The following GPAM variants were observed in gnomAD, a reference collection of about 807,000 sequenced individuals.
The protein encoded by GPAM is glycerol-3-phosphate acyltransferase, mitochondrial, also known as glycerol-3-phosphate acyltransferase 1, mitochondrial.
A neutral mutation model predicts 105.0 loss-of-function variants in GPAM; 56 were observed. The observed-to-expected ratio is 0.53, with a 90% CI of 0.43 to 0.67. The LOEUF is 0.67. Ranked by LOEUF, GPAM falls within the 30% of genes least tolerant of loss-of-function variation. The pLI, the probability that GPAM is intolerant of heterozygous loss-of-function variation, is 0.00. For missense variants in GPAM, 855 were observed against 989.8 expected, an observed-to-expected ratio of 0.86 and a Z score of 1.83; for synonymous variants, 368 against 354.4, an observed-to-expected ratio of 1.04 and a Z score of -0.43.
chr10:112,159,072 GAGA>G (rs1426346360), intron 17 of GPAM, among the ~76,000 whole-genome samples: 2 of 152,130 alleles, frequency 1.3e-5, no homozygotes, highest in Non-Finnish European at 2.9e-5. Flanking sequence ...TGATGACTTT[GAGA>G]AGAAGGAAAT....
At chr10:112,217,854 A>G (rs1847985987), upstream of GPAM, among the ~76,000 whole-genome samples, 1 of 152,220 alleles carries the variant, frequency 6.6e-6, no homozygotes, top group Non-Finnish European at 1.5e-5. Flanking sequence ...CTCTTCACAC[A>G]CAAAACAGGT....
At chr10:112,221,572 G>A in the GPAM span, among the ~76,000 whole-genome samples, 1 of 152,158 alleles carries the variant, frequency 6.6e-6, no homozygotes, top group Non-Finnish European at 1.5e-5. Context: ...GAAGAACCTT[G>A]AGTATAAGAT....
chr10:112,219,737 A>G (rs1271686716), upstream of GPAM, among the ~76,000 whole-genome samples: 1 of 152,236 alleles, frequency 6.6e-6, no homozygotes, highest in Non-Finnish European at 1.5e-5. Flanking sequence ...CAAAAATTAT[A>G]TAACAGTGAG....
chr10:112,172,368 C>A, intron 8 of GPAM, 50 bp from the exon 9 acceptor site: 1 of 1,512,910 alleles, frequency 6.6e-7, no homozygotes, highest in South Asian at 1.1e-5. Context: ...AAAATTCAAT[C>A]ACACTTTGCA....
chr10:112,223,268 C>A, the GPAM span, among the ~76,000 whole-genome samples: 2 of 152,194 alleles, frequency 1.3e-5, no homozygotes, highest in African/African-American at 2.4e-5. Flanking sequence ...CATATCTACT[C>A]CTGTTTCAGT....
Position 112,153,338 on chromosome 10 carries a change from T to TC in GPAM, c.*211dup. 2 of 1,452,530 alleles carry TC rather than the reference T, an allele frequency of 1.4e-6. No homozygotes were observed. Among genetic ancestry groups the TC allele is most frequent in the Non-Finnish European group, 1.8e-6 (2 of 1,106,576 alleles). The allele number at this position is 1,452,530 out of a possible 1,614,324, so 90.0% of individuals were successfully genotyped here. On this transcript the variant is annotated 3_prime_UTR_variant, in exon 22 of 22. Transcript: ENST00000348367. The stretch of plus-strand genomic sequence containing the variant: ...TATGAGTTGCGAATAGAGGCTGAGG[T>TC]CCCCCCAAGTGTTATCTGCAGGCTG...
chr10:112,220,853 T>TAAACACACACACAC, the GPAM span, among the ~76,000 whole-genome samples: 1 of 145,920 alleles, frequency 6.9e-6, no homozygotes, highest in African/African-American at 2.5e-5. Context: ...AGATCTCAAA[T>TAAACACACACACAC]ACACACACAC....
At chr10:112,160,239 C>T (rs1158377455) in intron 16 of GPAM, 186 bp from the exon 17 acceptor site, 6 of 411,200 alleles carry the variant, frequency 1.5e-5, no homozygotes, top group Non-Finnish European at 2.0e-5. Context: ...CATCAAAAAC[C>T]TTCTCCAAAG....
At chr10:112,154,481 GC>G in intron 21 of GPAM, 147 bp downstream of exon 21, 1 of 682,296 alleles carries the variant, frequency 1.5e-6, no homozygotes. Flanking sequence ...CATCCTACAT[GC>G]CCCGTTCCCA....
upstream of GPAM, among the ~76,000 whole-genome samples, chr10:112,216,942 G>C (rs1229685450): frequency 6.6e-6 from 1 of 150,444 alleles, no homozygotes; most frequent in Non-Finnish European, 1.5e-5. Context: ...AGGAGAAAAA[G>C]CAAAGGTGTG....
At chr10:112,192,389 A>AT (rs373016711) in intron 1 of GPAM, among the ~76,000 whole-genome samples, 3 of 152,296 alleles carry the variant, frequency 2.0e-5, no homozygotes, top group East Asian at 1.9e-4. Flanking sequence ...TCACAATGAA[A>AT]TTTTTTTAAG....
chr10:112,172,104 G>A (rs561293451), intron 9 of GPAM, 78 bp downstream of exon 9: 25 of 1,057,694 alleles, frequency 2.4e-5, no homozygotes, highest in Middle Eastern at 2.0e-4. Context: ...ATAACATATC[G>A]AAAGCTATAA....
At chr10:112,153,753 A>T in intron 21 of GPAM, 87 bp from the exon 22 acceptor site, 1 of 1,498,712 alleles carries the variant, frequency 6.7e-7, no homozygotes, top group South Asian at 1.2e-5. Flanking sequence ...GGTGTCCTAG[A>T]CCTCAGAAGG....
At chr10:112,216,770 C>T (rs1480682777), upstream of GPAM, among the ~76,000 whole-genome samples, 1 of 151,856 alleles carries the variant, frequency 6.6e-6, no homozygotes, top group Non-Finnish European at 1.5e-5. Context: ...ACTACAGGCA[C>T]CCACCACCAT....
Position 112,151,199 on chromosome 10 carries a change from T to C in GPAM, c.*2351A>G, listed in dbSNP as rs899029158. On this transcript the variant is annotated 3_prime_UTR_variant, in exon 22 of 22. Transcript: ENST00000348367. Reference sequence around the variant, plus strand: ...AGAAATGCGATAGAGTAAACTGTAATAAATTATTTACAAGCACCTAGTTTG... The same window carrying C: ...AGAAATGCGATAGAGTAAACTGTAACAAATTATTTACAAGCACCTAGTTTG... 5.1e-6 allele frequency: 5 copies of C among 982,838 alleles called. No individual in the cohort carries two copies. Among genetic ancestry groups the C allele is most frequent in the African/African-American group, 3.5e-5 (2 of 57,172 alleles). 60.9% of individuals were successfully genotyped at this position (982,838 alleles called of 1,614,324 possible).
chr10:112,160,818 T>C lies in GPAM; in HGVS notation c.1545A>G (p.Glu515=). Residue 515 remains glutamate (E), a synonymous_variant, in exon 16 of 22, where the codon GAA becomes GAG. Coordinates refer to ENST00000348367, the MANE Select transcript of GPAM (RefSeq NM_001244949.2). ...CCAGGTCAAAATCACGAGCCAGGACTTCCTCTTTCATCACAAAGAAGTCTT... is the reference window on the plus strand; with the variant it reads ...CCAGGTCAAAATCACGAGCCAGGACCTCCTCTTTCATCACAAAGAAGTCTT... ...LVEDFFVMKE[E]VLARDFDLGF... The C allele has an allele frequency of 6.2e-7, 1 of 1,613,690 alleles. No individual in the cohort carries two copies. The highest frequency in any genetic ancestry group is 8.5e-7 in the Non-Finnish European group (1 of 1,179,590).
chr10:112,155,545 C>T (rs1375082222), intron 20 of GPAM: 1 of 303,344 alleles, frequency 3.3e-6, no homozygotes. Flanking sequence ...CTGAAAACAA[C>T]CCAAATATCC....
rs1394746907 is a variant in GPAM at position 112,155,854 on chromosome 10, CTT to C, written c.2311+8_2311+9del. 1 of 1,419,700 alleles carries C rather than the reference CTT, an allele frequency of 7.0e-7. No homozygotes were observed. Among genetic ancestry groups the C allele is most frequent in the Non-Finnish European group, 9.9e-7 (1 of 1,006,266 alleles). The allele number at this position is 1,419,700 out of a possible 1,614,324, so 87.9% of individuals were successfully genotyped here. A position where few individuals can be genotyped will look rare whatever the true frequency, so the allele number is the denominator to read the frequency against. ...AAGATTTTAAAAGAATAAATAGTGA[CTT>C]AACATACCATATACTGCAACATTTC... On this transcript the variant is annotated splice_region_variant and intron_variant, in intron 20 of 21. Transcript: ENST00000348367.
chr10:112,158,286 A>T lies in GPAM; in HGVS notation c.1980+30T>A, dbSNP rs766703401. The T allele has an allele frequency of 4.0e-5, 50 of 1,251,370 alleles. 1 individual carries two copies. In the South Asian group the frequency reaches 5.6e-4, roughly 14 times the overall value. The allele number at this position is 1,251,370 out of a possible 1,614,324, so 77.5% of individuals were successfully genotyped here. On this transcript the variant is annotated intron_variant, in intron 18 of 21. Transcript: ENST00000348367. ...GTAAGGGAATGAAGAGTAAGTATAAAGACAAATAAAGGAAAGCTCTACCTC... is the reference window on the plus strand; with the variant it reads ...GTAAGGGAATGAAGAGTAAGTATAATGACAAATAAAGGAAAGCTCTACCTC...
Sources: allele counts gnomAD v4.1 joint callset (sites outside exome capture counted in the v4.1 genomes callset), GRCh38; gene constraint gnomAD v4.1.1; transcripts MANE v1.5; gene names NCBI Gene and HGNC (gene_info 2026-07-23, HGNC 2026-07-21).